UTP4: variants seen among roughly 807,000 people sequenced by gnomAD.
The protein encoded by UTP4 is U3 small nucleolar RNA-associated protein 4 homolog.
A neutral mutation model predicts 82.4 loss-of-function variants in UTP4; 45 were observed. The ratio of observed to expected loss-of-function variants is 0.55; its 90% CI spans 0.43 to 0.70. The LOEUF (loss-of-function observed/expected upper bound fraction) is 0.70, where lower values mean the gene tolerates loss of function less well. Among genes scored for constraint, UTP4 ranks in the 30% least tolerant of loss-of-function variants. The pLI is 0.00. For missense variants in UTP4, 819 were observed against 858.3 expected, an observed-to-expected ratio of 0.95 and a Z score of 0.57; for synonymous variants, 348 against 300.3, an observed-to-expected ratio of 1.16 and a Z score of -1.64.
At position 69,143,315 on chromosome 16, in the gene UTP4, G is replaced by A. The variant is rs761772667; in HGVS notation, c.664G>A (p.Asp222Asn). The A allele has an allele frequency of 2.5e-6, 4 of 1,614,200 alleles. No homozygotes were observed. Residue 222 changes from aspartate to asparagine, a missense_variant, in exon 6 of 17, where the codon GAC becomes AAC. Transcript: ENST00000314423. ...CTCTGCTGGGAAGGTGCAGTTCTGG[G>A]ACTCAGCCACTGGGACGCTTGTGAA... is the stretch of plus-strand genomic sequence containing the variant. ...VDSAGKVQFW[D>N]SATGTLVKSH...
In UTP4 at chr16:69,156,154, C is replaced by CTTTTTT. The variant is rs36043898; in HGVS notation, c.1287+173_1287+178dup. Among the ~76,000 whole-genome samples, 11 of 130,476 alleles carry CTTTTTT rather than the reference C, an allele frequency of 8.4e-5. 1 individual carries two copies. The highest frequency in any genetic ancestry group is 2.1e-4 in the East Asian group (1 of 4,732). The allele number at this position is 130,476 out of a possible 152,430, so 85.6% of individuals were successfully genotyped here. On this transcript the variant is annotated intron_variant, in intron 11 of 16. Coordinates refer to ENST00000314423, the MANE Select transcript of UTP4 (RefSeq NM_032830.3). The stretch of plus-strand genomic sequence containing the variant: ...GAAACAGTGTTTTATTTCTTTCTTT[C>CTTTTTT]TTTTTTTTTTTTTTTTTGAGACGGA...
intron 6 of UTP4, among the ~76,000 whole-genome samples, chr16:69,146,606 AT>A (rs1963114691): frequency 6.6e-6 from 1 of 152,196 alleles, no homozygotes; most frequent in South Asian, 2.1e-4. Flanking sequence ...CACGCCTGTA[AT>A]CCCAGCACTT....
At chr16:69,153,489 A>G in intron 8 of UTP4, 95 bp from the exon 9 acceptor site, 1 of 818,408 alleles carries the variant, frequency 1.2e-6, no homozygotes, top group Admixed American at 2.0e-5. Context: ...GGATTTCAGC[A>G]GTAAAAAATG....
rs145053889 is a variant in UTP4, at chr16:69,143,416, T to C, written c.738+27T>C. 1,320 of 1,597,586 alleles carry C rather than the reference T, an allele frequency of 8.3e-4. 16 individuals are homozygous for C. In the Admixed American group the frequency reaches 0.015, roughly 18 times the overall value. ...TGAGTACAGTCCCTGTTTAGAGTGG[T>C]TGATGTACACCCTTGTGGGGTGAGT... On this transcript the variant is annotated intron_variant, in intron 6 of 16. Coordinates refer to ENST00000314423, the MANE Select transcript of UTP4 (RefSeq NM_032830.3).
intron 6 of UTP4, among the ~76,000 whole-genome samples, chr16:69,146,228 C>T (rs1240287674): frequency 1.3e-5 from 2 of 152,130 alleles, no homozygotes; most frequent in African/African-American, 4.8e-5. Context: ...AGTTCATTCA[C>T]GTTGTTGTAC....
intron 6 of UTP4, 30 bp from the exon 7 acceptor site, chr16:69,150,507 G>A (rs772278877): frequency 9.3e-6 from 15 of 1,613,718 alleles, no homozygotes; most frequent in East Asian, 6.7e-5. Flanking sequence ...TTTTGCTTAC[G>A]TGTACCTCCC....
intron 10 of UTP4, 104 bp from the exon 11 acceptor site, chr16:69,155,767 C>T: frequency 8.6e-7 from 1 of 1,165,676 alleles, no homozygotes; most frequent in Non-Finnish European, 1.3e-6. Context: ...GTGTAGATAT[C>T]TGTGGGTATG....
intron 12 of UTP4, among the ~76,000 whole-genome samples, chr16:69,160,139 A>G (rs372936060): frequency 6.6e-6 from 1 of 152,250 alleles, no homozygotes; most frequent in Admixed American, 6.5e-5. Context: ...CTTCTGTTTT[A>G]TCTCTCTGGA....
Position 69,157,189 on chromosome 16 carries a change from C to T in UTP4, c.1393C>T (p.Gln465Ter). The change falls in exon 12 of 17, where the codon CAG (glutamine) becomes TAG (stop). Residue 465 changes from glutamine (Q) to a stop codon, truncating the protein, a stop_gained. Coordinates refer to ENST00000314423, the MANE Select transcript of UTP4 (RefSeq NM_032830.3). LOFTEE classifies it high-confidence loss of function. ...ASNQGALHIV[Q>*]LSGGSFKHLH... ...AAATCAAGGAGCTCTGCATATTGTT[C>T]AGCTGTCAGGAGGAAGCTTCAAGCA... The T allele has an allele frequency of 6.2e-7, 1 of 1,614,198 alleles. No individual in the cohort carries two copies. Among genetic ancestry groups the T allele is most frequent in the Non-Finnish European group, 8.5e-7 (1 of 1,180,034 alleles).
At chr16:69,154,553 A>T (rs747527844) in intron 10 of UTP4, 96 bp downstream of exon 10, 1 of 927,916 alleles carries the variant, frequency 1.1e-6, no homozygotes, top group Admixed American at 1.8e-5. Flanking sequence ...TGCATCATAA[A>T]TTGTATAAAT....
At chr16:69,139,596 A>G (rs1051213812) in intron 4 of UTP4, 1 of 167,576 alleles carries the variant, frequency 6.0e-6, no homozygotes, top group East Asian at 1.7e-4. Flanking sequence ...CCGAGATCCC[A>G]CTGCGGCACT....
chr16:69,138,371 G>A (rs1962867471), intron 4 of UTP4, among the ~76,000 whole-genome samples: 1 of 151,992 alleles, frequency 6.6e-6, no homozygotes, highest in Non-Finnish European at 1.5e-5. Context: ...CCAAGTGACT[G>A]GGATTCCAGG....
Position 69,146,909 on chromosome 16 carries a change from A to G in UTP4, c.738+3520A>G, listed in dbSNP as rs1446994037. Among the ~76,000 whole-genome samples the G allele has an allele frequency of 7.3e-5, 11 of 149,828 alleles. No individual in the cohort carries two copies. The South Asian group carries it at 2.3e-3, about 32-fold the overall frequency. On this transcript the variant is annotated intron_variant, in intron 6 of 16. Transcript: ENST00000314423. ...TCCCAGCTACTCGTGAGGCTGAGGC[A>G]GGAGAATGGCGTGAACCAGAGAGGC...
intron 6 of UTP4, among the ~76,000 whole-genome samples, chr16:69,144,042 C>T (rs1963039676): frequency 6.6e-6 from 1 of 151,730 alleles, no homozygotes; most frequent in Non-Finnish European, 1.5e-5. Flanking sequence ...CCCCTGTCAC[C>T]ACACCCAGCT....
At chr16:69,150,750 A>G (rs564881105) in intron 7 of UTP4, 42 bp downstream of exon 7, 1 of 1,613,854 alleles carries the variant, frequency 6.2e-7, no homozygotes, top group African/African-American at 1.3e-5. Context: ...TACCCTGCCC[A>G]GTTCTGGCTG....
At chr16:69,137,275 A>G (rs1192427196) in intron 3 of UTP4, among the ~76,000 whole-genome samples, 2 of 152,210 alleles carry the variant, frequency 1.3e-5, no homozygotes, top group Non-Finnish European at 2.9e-5. Context: ...GAGTCCCTTC[A>G]GCAAGTTAAC....
intron 9 of UTP4, 81 bp from the exon 10 acceptor site, chr16:69,154,312 C>T: frequency 3.5e-6 from 4 of 1,128,670 alleles, no homozygotes; most frequent in South Asian, 2.6e-5. Context: ...TCCATTTTTC[C>T]AAGGAGTAAC....
At chr16:69,155,647 A>C (rs1329403622) in intron 10 of UTP4, among the ~76,000 whole-genome samples, 4 of 152,340 alleles carry the variant, frequency 2.6e-5, no homozygotes, top group Non-Finnish European at 4.4e-5. Context: ...CAAAGGGCCA[A>C]AATAAGAATA....
At position 69,136,823 on chromosome 16, in the gene UTP4, C is replaced by G; in HGVS notation, c.287C>G (p.Ala96Gly). 6.2e-7 allele frequency: 1 copy of G among 1,614,148 alleles called. No individual in the cohort carries two copies. Among genetic ancestry groups the G allele is most frequent in the Non-Finnish European group, 8.5e-7 (1 of 1,180,012 alleles). ...YDLQALNIKY[A>G]MDAFGGPIWS... ...TTACAGGCGTTAAACATCAAGTATGCTATGGATGCCTTTGGAGGACCTATT... is the reference window on the plus strand; with the variant it reads ...TTACAGGCGTTAAACATCAAGTATGGTATGGATGCCTTTGGAGGACCTATT... Residue 96 changes from alanine to glycine, a missense_variant, in exon 3 of 17, where the codon GCT becomes GGT. By Grantham distance (60) the Ala-to-Gly change is moderately conservative. Transcript: ENST00000314423.
Sources: gnomAD v4.1 joint callset for allele counts (sites outside exome capture counted in the v4.1 genomes callset) on GRCh38, gnomAD v4.1.1 for gene constraint, MANE v1.5 for transcripts, NCBI Gene and HGNC (gene_info 2026-07-23, HGNC 2026-07-21) for gene names.